The following ZBTB20 variants were observed in gnomAD, a reference collection of about 807,000 sequenced individuals.
ZBTB20 encodes zinc finger and BTB domain containing 20.
In ZBTB20, 9 loss-of-function variants were observed where a neutral mutation model predicts 56.9. That is an observed-to-expected ratio of 0.16 (90% CI 0.10 to 0.28). The LOEUF is 0.28. ZBTB20 is among the 10% of genes least tolerant of loss of function. The pLI is 1.00. For missense variants in ZBTB20, 655 were observed against 1,003.0 expected (o/e 0.65, Z 4.69); for synonymous variants, 417 against 420.7 (o/e 0.99, Z 0.11).
intron 5 of ZBTB20, among the ~76,000 whole-genome samples, chr3:114,772,110 C>T (rs114377845): frequency 0.034 from 5,209 of 152,172 alleles, 145 homozygotes; most frequent in African/African-American, 0.07. Context: ...GAGGCTGAGG[C>T]AGGCAGATTG....
At chr3:114,549,928 T>C (rs796574525) in intron 6 of ZBTB20, among the ~76,000 whole-genome samples, 2 of 152,046 alleles carry the variant, frequency 1.3e-5, no homozygotes, top group Non-Finnish European at 2.9e-5. Flanking sequence ...TTTTTTCTAC[T>C]TCTATATAAC....
chr3:114,987,240 G>A (rs1226252297), intron 2 of ZBTB20, among the ~76,000 whole-genome samples: 2 of 152,114 alleles, frequency 1.3e-5, no homozygotes, highest in East Asian at 3.9e-4. Flanking sequence ...TGAGATGGTT[G>A]AAATATCCAT....
intron 6 of ZBTB20, among the ~76,000 whole-genome samples, chr3:114,624,681 T>A (rs2058548868): frequency 6.6e-6 from 1 of 151,958 alleles, no homozygotes; most frequent in African/African-American, 2.4e-5. Context: ...TGCTGTACCA[T>A]CCAGACATTT....
At chr3:115,144,028 C>T (rs76424210) in intron 1 of ZBTB20, among the ~76,000 whole-genome samples, 5,142 of 152,262 alleles carry the variant, frequency 0.034, 188 homozygotes, top group Admixed American at 0.12. Context: ...GCAATTTTCT[C>T]TCTTGTTCAT....
chr3:114,686,161 G>A (rs34477586), intron 6 of ZBTB20, among the ~76,000 whole-genome samples: 9,865 of 152,170 alleles, frequency 0.065, 417 homozygotes, highest in Middle Eastern at 0.15. Context: ...AGCTTAAGGA[G>A]CTTAATATAA....
At chr3:114,584,445 G>GT (rs1559994569) in intron 6 of ZBTB20, among the ~76,000 whole-genome samples, 1 of 151,630 alleles carries the variant, frequency 6.6e-6, no homozygotes, top group Non-Finnish European at 1.5e-5. Context: ...GTTCATTCAC[G>GT]TATTTCCTTT....
At chr3:114,519,394 A>T (rs1209049635) in intron 6 of ZBTB20, among the ~76,000 whole-genome samples, 1 of 152,218 alleles carries the variant, frequency 6.6e-6, no homozygotes, top group East Asian at 1.9e-4. Context: ...GGATCAGTAC[A>T]TGACTCTAGC....
At chr3:114,956,831 A>T (rs1455592801) in intron 3 of ZBTB20, among the ~76,000 whole-genome samples, 1 of 152,174 alleles carries the variant, frequency 6.6e-6, no homozygotes, top group African/African-American at 2.4e-5. Flanking sequence ...ACTCACTTTG[A>T]CAGGAAGAGC....
At chr3:115,123,301 A>G (rs183177306) in intron 1 of ZBTB20, among the ~76,000 whole-genome samples, 1 of 152,292 alleles carries the variant, frequency 6.6e-6, no homozygotes, top group Admixed American at 6.5e-5. Flanking sequence ...CCTTCACATA[A>G]TTTAACAATA....
chr3:114,440,748 C>T (rs1448683694), intron 7 of ZBTB20, among the ~76,000 whole-genome samples: 2 of 152,164 alleles, frequency 1.3e-5, no homozygotes, highest in Non-Finnish European at 2.9e-5. Flanking sequence ...AAGAGCTAGT[C>T]CAAAGGCTCT....
chr3:114,869,200 GA>G (rs896844417), intron 4 of ZBTB20, among the ~76,000 whole-genome samples: 1 of 151,788 alleles, frequency 6.6e-6, no homozygotes, highest in Non-Finnish European at 1.5e-5. Flanking sequence ...ATTCATGACA[GA>G]AAAAAAATGA....
At chr3:114,618,962 A>T (rs2058124513) in intron 6 of ZBTB20, among the ~76,000 whole-genome samples, 5 of 152,170 alleles carry the variant, frequency 3.3e-5, no homozygotes, top group Admixed American at 3.3e-4. Context: ...GTTTTTCATA[A>T]AAAAGATCCC....
At chr3:114,626,163 ATGT>A (rs2058649703) in intron 6 of ZBTB20, among the ~76,000 whole-genome samples, 1 of 152,218 alleles carries the variant, frequency 6.6e-6, no homozygotes, top group Non-Finnish European at 1.5e-5. Context: ...ATATTCCTAA[ATGT>A]TGTCCCTCAG....
intron 1 of ZBTB20, among the ~76,000 whole-genome samples, chr3:115,126,708 T>G (rs1474113676): frequency 5.3e-5 from 8 of 152,118 alleles, no homozygotes; most frequent in Non-Finnish European, 1.2e-4. Flanking sequence ...AGTTTATAAG[T>G]GGTAAAGCTG....
rs2079273225 is a variant in ZBTB20, at chr3:114,331,935, C to T, written c.*7070G>A. On this transcript the variant is annotated 3_prime_UTR_variant, in exon 12 of 12. Coordinates refer to ENST00000675478, the MANE Select transcript of ZBTB20 (RefSeq NM_001348800.3). Reference sequence around the variant, plus strand: ...TATACTCATTTATAGACATTTTGGACAGCAGCGGTGACATACTGGATGGGT... The same window carrying T: ...TATACTCATTTATAGACATTTTGGATAGCAGCGGTGACATACTGGATGGGT... 1 of 152,018 alleles carries T rather than the reference C, an allele frequency of 6.6e-6. No homozygotes were observed. Among genetic ancestry groups the T allele is most frequent in the Admixed American group, 6.6e-5 (1 of 15,266 alleles). 9.4% of individuals were successfully genotyped at this position (152,018 alleles called of 1,614,324 possible).
chr3:114,357,402 G>A (rs1170270519), intron 10 of ZBTB20, among the ~76,000 whole-genome samples: 1 of 152,096 alleles, frequency 6.6e-6, no homozygotes, highest in African/African-American at 2.4e-5. Flanking sequence ...TCTAGACAAA[G>A]ATTAAAAATT....
intron 2 of ZBTB20, among the ~76,000 whole-genome samples, chr3:115,001,249 A>G (rs1439678810): frequency 6.6e-6 from 1 of 151,460 alleles, no homozygotes; most frequent in Non-Finnish European, 1.5e-5. Context: ...TAAGTTTGAA[A>G]AGATAAATTC....
chr3:115,126,502 A>G (rs1318565274), intron 1 of ZBTB20, among the ~76,000 whole-genome samples: 1 of 152,192 alleles, frequency 6.6e-6, no homozygotes, highest in African/African-American at 2.4e-5. Flanking sequence ...TGGTATAGTC[A>G]CAAATATTAT....
intron 3 of ZBTB20, among the ~76,000 whole-genome samples, chr3:114,904,668 A>G (rs1032973047): frequency 1.3e-5 from 2 of 151,982 alleles, no homozygotes; most frequent in Admixed American, 1.3e-4. Context: ...AAGAGTAAGA[A>G]CTATAAATTG....
Sources: gnomAD v4.1 joint callset for allele counts (sites outside exome capture counted in the v4.1 genomes callset) on GRCh38, gnomAD v4.1.1 for gene constraint, MANE v1.5 for transcripts, NCBI Gene and HGNC (gene_info 2026-07-23, HGNC 2026-07-21) for gene names.